The following COBL variants were observed in gnomAD, a reference collection of about 807,000 sequenced individuals.
COBL encodes the protein protein cordon-bleu.
A neutral mutation model predicts 98.8 loss-of-function variants in COBL; 51 were observed. The ratio of observed to expected loss-of-function variants is 0.52; its 90% CI spans 0.41 to 0.65. The LOEUF (loss-of-function observed/expected upper bound fraction) is 0.65, where lower values mean the gene tolerates loss of function less well. Ranked by LOEUF, COBL falls within the 30% of genes least tolerant of loss-of-function variation. The probability of loss-of-function intolerance (pLI) is 0.00; values close to 1 mark genes in which losing one functional copy is unlikely to be tolerated. For missense variants in COBL, 1,617 were observed against 1,617.5 expected (o/e 1.00, Z 0.01); for synonymous variants, 634 against 651.7 (o/e 0.97, Z 0.41).
chr7:51,225,400 C>T (rs779364756), intron 1 of COBL, among the ~76,000 whole-genome samples: 4 of 152,190 alleles, frequency 2.6e-5, no homozygotes, highest in East Asian at 1.9e-4. Flanking sequence ...GGACCTTGCC[C>T]GGCTCCTGCT....
rs571576104 is a variant in COBL at position 51,028,205 on chromosome 7, T to C, written c.2891A>G (p.Gln964Arg). 61 of 1,614,230 alleles carry C rather than the reference T, an allele frequency of 3.8e-5. No homozygotes were observed. In the East Asian group the frequency reaches 1.3e-3, roughly 34 times the overall value. ...VIGPHRKLST[Q>R]DRPAAIHRSS... ...TCTGTGGATAGCAGCAGGTCTGTCC[T>C]GAGTAGACAACTTCCTGTGTGGGCC... Residue 964 changes from glutamine (Q) to arginine (R), a missense_variant, in exon 10 of 13, where the codon CAG becomes CGG. By Grantham distance (43) the Gln-to-Arg change is conservative. Around this residue, in one of 3 missense-constraint regions of COBL, gnomAD observed 1,304 missense variants for 1,282.0 expected, o/e 1.02. Coordinates refer to ENST00000265136, the MANE Select transcript of COBL (RefSeq NM_015198.5).
intron 1 of COBL, among the ~76,000 whole-genome samples, chr7:51,280,066 C>CA (rs1045309655): frequency 2.0e-5 from 3 of 151,846 alleles, no homozygotes; most frequent in Non-Finnish European, 4.4e-5. Context: ...CATAGAGCAG[C>CA]AAAAAAAATC....
intron 7 of COBL, among the ~76,000 whole-genome samples, chr7:51,081,900 A>C (rs6593324): frequency 0.94 from 142,482 of 151,752 alleles, 67,069 homozygotes; most frequent in Non-Finnish European, 0.96. Flanking sequence ...CCACGGCTGC[A>C]GTCTTTCTGA....
At chr7:51,180,328 T>A (rs1788814045) in intron 5 of COBL, among the ~76,000 whole-genome samples, 1 of 152,246 alleles carries the variant, frequency 6.6e-6, no homozygotes, top group East Asian at 1.9e-4. Flanking sequence ...AGTAAAAGCA[T>A]GTCACTTTCT....
At chr7:51,255,485 C>T (rs1255974377) in intron 1 of COBL, among the ~76,000 whole-genome samples, 1 of 152,220 alleles carries the variant, frequency 6.6e-6, no homozygotes, top group Non-Finnish European at 1.5e-5. Flanking sequence ...GTCTTTCATT[C>T]CCGCATCGTG....
At chr7:51,314,397 T>C (rs1417991312) in intron 1 of COBL, among the ~76,000 whole-genome samples, 1 of 152,226 alleles carries the variant, frequency 6.6e-6, no homozygotes, top group Admixed American at 6.5e-5. Context: ...AACACTGCCT[T>C]AATCTCAGGG....
chr7:51,025,069 C>G, intron 12 of COBL, 40 bp downstream of exon 12: 1 of 1,611,614 alleles, frequency 6.2e-7, no homozygotes, highest in Non-Finnish European at 8.5e-7. Flanking sequence ...ACCTCCAACC[C>G]TCTGGCCCCA....
chr7:51,123,223 T>C (rs1797904779), intron 6 of COBL, among the ~76,000 whole-genome samples: 4 of 152,210 alleles, frequency 2.6e-5, no homozygotes, highest in African/African-American at 4.8e-5. Context: ...CTGACAGATA[T>C]ATTTACAATG....
At chr7:51,278,581 T>C (rs899808424) in intron 1 of COBL, among the ~76,000 whole-genome samples, 16 of 151,952 alleles carry the variant, frequency 1.1e-4, no homozygotes, top group African/African-American at 1.7e-4. Context: ...GGTTTCACCA[T>C]GTTGGCCAGG....
chr7:51,170,629 T>G (rs1309568858), intron 5 of COBL, among the ~76,000 whole-genome samples: 1 of 150,966 alleles, frequency 6.6e-6, no homozygotes, highest in African/African-American at 2.4e-5. Context: ...TCCTGTCATT[T>G]GTGTCAGCGT....
rs377501206 is a variant in COBL, at chr7:51,043,616, G to A, written c.1173C>T (p.Thr391=). ...ACGCAAAACAGCTGCCAACTGACAC[G>A]GTCTCCTCCGCCTCTGACAGCACCT... is the stretch of plus-strand genomic sequence containing the variant. ...APQVLSEAEE[T]VSVGSCFASE... The change falls in exon 8 of 13, where the codon ACC becomes ACT. Residue 391 remains threonine (T), a synonymous_variant. Coordinates refer to ENST00000265136, the MANE Select transcript of COBL (RefSeq NM_015198.5). 6.8e-6 allele frequency: 11 copies of A among 1,614,052 alleles called. No homozygotes were observed. The highest frequency in any genetic ancestry group is 1.6e-4 in the Middle Eastern group (1 of 6,084).
chr7:51,134,162 T>C (rs1305167784), intron 6 of COBL, among the ~76,000 whole-genome samples: 1 of 152,196 alleles, frequency 6.6e-6, no homozygotes, highest in African/African-American at 2.4e-5. Context: ...ACGACGACAA[T>C]ACATTTTTGG....
rs1785803653 is a variant in COBL, at chr7:51,153,730, A to G, written c.784-17399T>C. Among the ~76,000 whole-genome samples, 6 of 152,230 alleles carry G rather than the reference A, an allele frequency of 3.9e-5. No individual in the cohort carries two copies. The South Asian group carries it at 1.2e-3, about 31-fold the overall frequency. ...GAAGCTGCTGTGGTAAGGAGGCCGC[A>G]GGGTCTCTGGCCCTGCTTGGTGGGT... is the stretch of plus-strand genomic sequence containing the variant. On this transcript the variant is annotated intron_variant, in intron 5 of 12. Transcript: ENST00000265136.
At chr7:51,305,866 T>A (rs754914032) in intron 1 of COBL, among the ~76,000 whole-genome samples, 13 of 152,192 alleles carry the variant, frequency 8.5e-5, no homozygotes, top group Non-Finnish European at 1.3e-4. Context: ...AAGACCCGTC[T>A]CTACTAAAAT....
intron 1 of COBL, among the ~76,000 whole-genome samples, chr7:51,298,731 G>C (rs1801642268): frequency 6.6e-6 from 1 of 152,180 alleles, no homozygotes; most frequent in Admixed American, 6.5e-5. Context: ...TGTTGACCCT[G>C]TCACTTCACA....
chr7:51,043,489 T>C lies in COBL; in HGVS notation c.1300A>G (p.Thr434Ala). The C allele has an allele frequency of 1.9e-6, 3 of 1,614,220 alleles. No homozygotes were observed. Among genetic ancestry groups the C allele is most frequent in the Non-Finnish European group, 2.5e-6 (3 of 1,180,040 alleles). The change falls in exon 8 of 13, where the codon ACA becomes GCA. Residue 434 changes from threonine (T) to alanine (A), a missense_variant. This residue lies in a region of COBL where 1,304 missense variants were observed against 1,282.0 expected (regional missense o/e 1.02). Coordinates refer to ENST00000265136, the MANE Select transcript of COBL (RefSeq NM_015198.5). ...DSMKYKDKWATDQEDCSDQDL... is the reference protein window; with the variant it reads ...DSMKYKDKWAADQEDCSDQDL... ...TGGTCACTGCAGTCTTCCTGGTCTG[T>C]GGCCCACTTGTCTTTGTATTTCATG...
intron 1 of COBL, among the ~76,000 whole-genome samples, chr7:51,310,962 A>ATT (rs1440576045): frequency 1.5e-4 from 21 of 142,480 alleles, no homozygotes; most frequent in Non-Finnish European, 2.3e-4. Context: ...GGCCGGTTGT[A>ATT]TTTTTTTTTT....
chr7:51,231,102 T>C (rs1794700927), intron 1 of COBL, among the ~76,000 whole-genome samples: 1 of 152,326 alleles, frequency 6.6e-6, no homozygotes, highest in African/African-American at 2.4e-5. Context: ...TGGGTTGTAT[T>C]TGGGATAACT....
chr7:51,057,246 C>T (rs1790853105), intron 7 of COBL, among the ~76,000 whole-genome samples: 2 of 152,144 alleles, frequency 1.3e-5, no homozygotes, highest in African/African-American at 4.8e-5. Context: ...TTGTTGCTCA[C>T]TGTGCCTAAT....
Sources: allele counts gnomAD v4.1 joint callset (sites outside exome capture counted in the v4.1 genomes callset), GRCh38; gene constraint gnomAD v4.1.1; regional missense constraint gnomAD v4.1.1; transcripts MANE v1.5; gene names NCBI Gene and HGNC (gene_info 2026-07-23, HGNC 2026-07-21).